The following C1orf146 variants were observed in gnomAD, a reference collection of about 807,000 sequenced individuals.
C1orf146 encodes the protein protein SPO16 homolog.
C1orf146 carries 22 observed loss-of-function variants against 23.0 expected under a neutral mutation model. The ratio of observed to expected loss-of-function variants is 0.96; its 90% CI spans 0.68 to 1.36. The LOEUF is 1.36. Ranked by LOEUF, C1orf146 falls within the 40% of genes most tolerant of loss-of-function variation. C1orf146 has a pLI of 0.00. For synonymous variants in C1orf146, 59 were observed against 65.3 expected, an observed-to-expected ratio of 0.90 and a Z score of 0.47; for missense variants, 199 against 206.8, an observed-to-expected ratio of 0.96 and a Z score of 0.23.
At chr1:92,233,570 T>C (rs1468726006) in intron 2 of C1orf146, among the ~76,000 whole-genome samples, 2 of 152,190 alleles carry the variant, frequency 1.3e-5, no homozygotes, top group African/African-American at 4.8e-5. Context: ...TTCTTTTGGC[T>C]TAGGATTGAC....
At chr1:92,229,630 A>T (rs759699219) in intron 1 of C1orf146, among the ~76,000 whole-genome samples, 27 of 152,200 alleles carry the variant, frequency 1.8e-4, no homozygotes, top group Non-Finnish European at 4.0e-4. Context: ...AGATTTCTTA[A>T]ATAAGAAACA....
intron 2 of C1orf146, among the ~76,000 whole-genome samples, chr1:92,232,948 A>T (rs2100738346): frequency 6.6e-6 from 1 of 151,828 alleles, no homozygotes; most frequent in South Asian, 2.1e-4. Flanking sequence ...CCACTTTTTG[A>T]TGGGGTTGTT....
At position 92,233,906 on chromosome 1, in the gene C1orf146, CTGTT is replaced by C. The variant is rs1399186422; in HGVS notation, c.66+2424_66+2427del. Among the ~76,000 whole-genome samples the C allele has an allele frequency of 1.1e-4, 17 of 152,264 alleles. No individual in the cohort carries two copies. The South Asian group carries it at 2.7e-3, about 24-fold the overall frequency. On this transcript the variant is annotated intron_variant, in intron 2 of 5. Coordinates refer to ENST00000370375, the MANE Select transcript of C1orf146 (RefSeq NM_001012425.2). Reference sequence around the variant, plus strand: ...GGGAGTTTGCTCATGATTTGGCTCTCTGTTTGTCTGTTATTGGTGTGTAAGAATG... The same window carrying C: ...GGGAGTTTGCTCATGATTTGGCTCTCTGTCTGTTATTGGTGTGTAAGAATG...
intron 2 of C1orf146, among the ~76,000 whole-genome samples, chr1:92,233,643 G>A (rs1315824938): frequency 1.3e-5 from 2 of 152,132 alleles, no homozygotes; most frequent in South Asian, 2.1e-4. Flanking sequence ...CCAATTCTGT[G>A]AAGAAAGTCA....
intron 1 of C1orf146, chr1:92,229,281 A>G (rs1652050307): frequency 3.6e-6 from 2 of 554,532 alleles, no homozygotes; most frequent in East Asian, 9.5e-5. Context: ...GAAGATGTCC[A>G]CATCACACTT....
intron 3 of C1orf146, among the ~76,000 whole-genome samples, chr1:92,243,046 A>G (rs1308566206): frequency 6.6e-6 from 1 of 152,244 alleles, no homozygotes; most frequent in African/African-American, 2.4e-5. Context: ...TCCAGGGAGA[A>G]ATAAAATATT....
chr1:92,229,127 C>T (rs913392575), intron 1 of C1orf146: 12 of 516,342 alleles, frequency 2.3e-5, no homozygotes, highest in East Asian at 1.4e-4. Flanking sequence ...CGATCCACAC[C>T]GAGTACTTTC....
intron 2 of C1orf146, among the ~76,000 whole-genome samples, chr1:92,234,095 C>G (rs890021224): frequency 6.6e-6 from 1 of 152,096 alleles, no homozygotes; most frequent in African/African-American, 2.4e-5. Flanking sequence ...AATTGAATAG[C>G]CTTTATTTCC....
intron 4 of C1orf146, 136 bp downstream of exon 4, chr1:92,244,521 C>A: frequency 1.4e-6 from 1 of 733,180 alleles, no homozygotes; most frequent in Non-Finnish European, 2.2e-6. Flanking sequence ...GAAACATGGG[C>A]CAAATAGCTA....
At chr1:92,229,164 T>G (rs1458745349) in intron 1 of C1orf146, 1 of 528,058 alleles carries the variant, frequency 1.9e-6, no homozygotes, top group African/African-American at 1.9e-5. Flanking sequence ...GATCTTGATC[T>G]TCATGGTGCT....
intron 2 of C1orf146, among the ~76,000 whole-genome samples, chr1:92,239,287 G>C (rs544937085): frequency 1.3e-5 from 2 of 152,194 alleles, no homozygotes; most frequent in South Asian, 2.1e-4. Flanking sequence ...GTGTCCCTTT[G>C]TATGTCTGAT....
intron 2 of C1orf146, among the ~76,000 whole-genome samples, chr1:92,231,692 G>A (rs1477066075): frequency 3.3e-5 from 5 of 151,858 alleles, no homozygotes; most frequent in African/African-American, 1.2e-4. Flanking sequence ...ATTCTTTGAA[G>A]GTTGGAGATT....
chr1:92,225,687 T>C (rs975052883), intron 1 of C1orf146, among the ~76,000 whole-genome samples: 4 of 152,134 alleles, frequency 2.6e-5, no homozygotes, highest in Non-Finnish European at 5.9e-5. Flanking sequence ...TAGATGAATA[T>C]ATAATATATA....
At chr1:92,234,169 G>A (rs1652211122) in intron 2 of C1orf146, among the ~76,000 whole-genome samples, 1 of 152,174 alleles carries the variant, frequency 6.6e-6, no homozygotes, top group Non-Finnish European at 1.5e-5. Context: ...TGGTGAGAGA[G>A]GGCATCCCTG....
chr1:92,225,296 G>T (rs1034837887), intron 1 of C1orf146, among the ~76,000 whole-genome samples: 1 of 151,898 alleles, frequency 6.6e-6, no homozygotes, highest in Non-Finnish European at 1.5e-5. Flanking sequence ...TTGTAGAGAT[G>T]GGGTTTTGCC....
At chr1:92,219,581 G>A (rs1468645867) in intron 1 of C1orf146, among the ~76,000 whole-genome samples, 2 of 131,942 alleles carry the variant, frequency 1.5e-5, no homozygotes, top group Non-Finnish European at 3.1e-5. Flanking sequence ...TCAGGTCACT[G>A]CAACCTCCAC....
intron 1 of C1orf146, among the ~76,000 whole-genome samples, chr1:92,223,989 GTTT>G (rs1323355591): frequency 2.0e-5 from 3 of 150,788 alleles, no homozygotes; most frequent in Non-Finnish European, 3.0e-5. Context: ...TACTGGTGCA[GTTT>G]TGTTGTTGTT....
chr1:92,241,767 GT>G (rs960265725), intron 2 of C1orf146, among the ~76,000 whole-genome samples: 21 of 151,626 alleles, frequency 1.4e-4, no homozygotes, highest in Non-Finnish European at 3.1e-4. Flanking sequence ...CACCACCCAA[GT>G]TTTTTTTTAA....
chr1:92,224,138 C>T (rs1651907282), intron 1 of C1orf146, among the ~76,000 whole-genome samples: 2 of 151,670 alleles, frequency 1.3e-5, no homozygotes, highest in East Asian at 1.9e-4. Context: ...GCAAGCTCCT[C>T]CTCCCAGGGT....
Sources: allele counts gnomAD v4.1 joint callset (sites outside exome capture counted in the v4.1 genomes callset), GRCh38; gene constraint gnomAD v4.1.1; transcripts MANE v1.5; gene names NCBI Gene and HGNC (gene_info 2026-07-23, HGNC 2026-07-21).